The following ANKRD36C variants were observed in gnomAD, a reference collection of about 807,000 sequenced individuals.
ANKRD36C encodes ankyrin repeat domain-containing protein 36C.
Under a neutral mutation model 276.4 loss-of-function variants are expected in ANKRD36C, and 61 were observed. The ratio of observed to expected loss-of-function variants is 0.22; its 90% CI spans 0.18 to 0.27. The LOEUF is 0.27. Among genes scored for constraint, ANKRD36C ranks in the 10% least tolerant of loss-of-function variants. The pLI is 1.00. For missense variants in ANKRD36C, 1,447 were observed against 2,032.3 expected, an observed-to-expected ratio of 0.71 and a Z score of 5.54; for synonymous variants, 483 against 680.1, an observed-to-expected ratio of 0.71 and a Z score of 4.51.
At chr2:95,914,294 T>A (rs1270339629) in exon 39 of ANKRD36C, 8 of 1,549,490 alleles carry the variant, frequency 5.2e-6, no homozygotes, top group Middle Eastern at 2.0e-4. Context: ...TGCTGGTTTC[T>A]CAGAAGTCAC....
At chr2:95,857,161 T>G in intron 62 of ANKRD36C, 148 bp downstream of exon 82, 1 of 951,948 alleles carries the variant, frequency 1.1e-6, no homozygotes, top group Non-Finnish European at 1.5e-6. Flanking sequence ...TTATAAATAA[T>G]TATAGTTATA....
In ANKRD36C at chr2:95,929,418, T is replaced by C. The variant is rs1489975633; in HGVS notation, c.1736-151A>G. On this transcript the variant is annotated intron_variant, in intron 24 of 66. Coordinates refer to ENST00000456556, the Ensembl canonical transcript of ANKRD36C. ...TATTTTATACTTTGTTTCTTGGGACTAAACATGAAGGAAATACACTGAAGA... is the reference window on the plus strand; with the variant it reads ...TATTTTATACTTTGTTTCTTGGGACCAAACATGAAGGAAATACACTGAAGA... 2.6e-5 allele frequency among the ~76,000 whole-genome samples: 4 copies of C among 151,540 alleles called. No homozygotes were observed. In the East Asian group the frequency reaches 7.8e-4, roughly 30 times the overall value.
chr2:95,902,031 T>A (rs1446620258), intron 42 of ANKRD36C, among the ~76,000 whole-genome samples: 1 of 146,358 alleles, frequency 6.8e-6, no homozygotes, highest in Non-Finnish European at 1.5e-5. Context: ...TTAGTTAGAA[T>A]TCAACATCAT....
At chr2:95,951,854 T>C in intron 14 of ANKRD36C, among the ~76,000 whole-genome samples, 1 of 152,310 alleles carries the variant, frequency 6.6e-6, no homozygotes, top group Admixed American at 6.5e-5. Flanking sequence ...TAGTTTTTAG[T>C]AGTACTATAT....
At chr2:95,890,726 G>A (rs1306513817) in intron 46 of ANKRD36C, among the ~76,000 whole-genome samples, 1 of 151,502 alleles carries the variant, frequency 6.6e-6, no homozygotes, top group Admixed American at 6.6e-5. Context: ...AAGTAAAACT[G>A]CTACAAGCAT....
At chr2:95,958,496 G>C (rs1476580309) in intron 12 of ANKRD36C, 95 bp downstream of exon 12, 1 of 1,454,310 alleles carries the variant, frequency 6.9e-7, no homozygotes, top group Non-Finnish European at 9.3e-7. Flanking sequence ...ATCAGAATGC[G>C]CAGCTTCAAT....
intron 34 of ANKRD36C, 74 bp downstream of exon 34, chr2:95,921,533 C>T: frequency 6.5e-7 from 1 of 1,542,692 alleles, no homozygotes; most frequent in Non-Finnish European, 8.7e-7. Context: ...CTGCCCTCCA[C>T]TGATTTATTC....
intron 34 of ANKRD36C, 120 bp from the exon 37 acceptor site, chr2:95,918,162 T>C: frequency 6.9e-7 from 1 of 1,452,918 alleles, no homozygotes; most frequent in Non-Finnish European, 9.3e-7. Flanking sequence ...GGCTCTGATG[T>C]CTTCTACTTT....
At chr2:95,902,928 T>G in intron 42 of ANKRD36C, 2 of 1,589,826 alleles carry the variant, frequency 1.3e-6, no homozygotes, top group Non-Finnish European at 1.7e-6. Context: ...CTGGCTATAT[T>G]CAAAAGAGAA....
intron 1 of ANKRD36C, among the ~76,000 whole-genome samples, chr2:95,988,479 G>A (rs1369607406): frequency 6.6e-6 from 1 of 152,024 alleles, no homozygotes; most frequent in African/African-American, 2.4e-5. Flanking sequence ...TGCTCAGGCT[G>A]GGCAGGTAAA....
chr2:95,918,740 T>C (rs1436451870), intron 34 of ANKRD36C, among the ~76,000 whole-genome samples: 1 of 151,554 alleles, frequency 6.6e-6, no homozygotes, highest in African/African-American at 2.4e-5. Context: ...AAAAATATCA[T>C]CAATTATCAA....
At chr2:95,945,777 T>C (rs1678031288) in intron 17 of ANKRD36C, among the ~76,000 whole-genome samples, 1 of 152,296 alleles carries the variant, frequency 6.6e-6, no homozygotes, top group Non-Finnish European at 1.5e-5. Flanking sequence ...AGTTACTAAA[T>C]AGAAAGCTGT....
intron 34 of ANKRD36C, 92 bp downstream of exon 36, chr2:95,919,641 T>TCCCCCCCCC: frequency 7.1e-6 from 4 of 567,006 alleles, no homozygotes; most frequent in Non-Finnish European, 6.6e-6. Context: ...CTTCGGCGAC[T>TCCCCCCCCC]CCCCCCACCC....
rs566152840 is a variant in ANKRD36C, at chr2:95,915,104, G to C, written c.2450-801C>G. 5.3e-5 allele frequency among the ~76,000 whole-genome samples: 8 copies of C among 151,610 alleles called. No individual in the cohort carries two copies. In the South Asian group the frequency reaches 1.5e-3, roughly 28 times the overall value. ...AATCATTCCAGTATTCATTGAAAAT[G>C]ATCACTCTAGGACTTAATTAGAATG... On this transcript the variant is annotated intron_variant, in intron 38 of 66. Transcript: ENST00000456556.
In ANKRD36C at chr2:95,857,509, C is replaced by G; in HGVS notation, c.3897-17G>C. ...ATGGCAAATCTGTAAATATACTTAT[C>G]TTAGAATTTATCTTATCAGTGAGGA... On this transcript the variant is annotated splice_polypyrimidine_tract_variant and intron_variant, in intron 61 of 66. Coordinates refer to ENST00000456556, the Ensembl canonical transcript of ANKRD36C. 6.5e-7 allele frequency: 1 copy of G among 1,538,032 alleles called. No individual in the cohort carries two copies. Among genetic ancestry groups the G allele is most frequent in the Non-Finnish European group, 8.8e-7 (1 of 1,141,704 alleles).
intron 6 of ANKRD36C, among the ~76,000 whole-genome samples, chr2:95,977,797 T>G (rs542999059): frequency 9.3e-4 from 142 of 152,286 alleles, no homozygotes; most frequent in Non-Finnish European, 1.1e-3. Context: ...GTTCTAATTA[T>G]ATAAAAAGTC....
At chr2:95,964,255 A>T (rs1458210853) in intron 6 of ANKRD36C, among the ~76,000 whole-genome samples, 1 of 151,186 alleles carries the variant, frequency 6.6e-6, no homozygotes, top group African/African-American at 2.4e-5. Context: ...AGCACATATC[A>T]TTGATGTGCA....
intron 3 of ANKRD36C, among the ~76,000 whole-genome samples, chr2:95,983,507 G>T (rs1678962389): frequency 6.6e-6 from 1 of 151,180 alleles, no homozygotes; most frequent in South Asian, 2.1e-4. Context: ...AAAACACAAT[G>T]GCTTATCAAT....
chr2:95,857,099 T>A (rs1227411157), intron 62 of ANKRD36C, among the ~76,000 whole-genome samples: 2 of 152,114 alleles, frequency 1.3e-5, no homozygotes, highest in African/African-American at 4.8e-5. Flanking sequence ...TATTGTAGAA[T>A]AGCATTGTTT....
Sources: allele counts gnomAD v4.1 joint callset (sites outside exome capture counted in the v4.1 genomes callset), GRCh38; gene constraint gnomAD v4.1.1; transcripts MANE v1.5; gene names NCBI Gene and HGNC (gene_info 2026-07-23, HGNC 2026-07-21).